ADAM23: variants seen among roughly 807,000 people sequenced by gnomAD.
ADAM23 encodes disintegrin and metalloproteinase domain-containing protein 23.
A neutral mutation model predicts 120.1 loss-of-function variants in ADAM23; 33 were observed. The observed-to-expected ratio is 0.27, with a 90% CI of 0.21 to 0.37. The LOEUF (loss-of-function observed/expected upper bound fraction) is 0.37, where lower values mean the gene tolerates loss of function less well. ADAM23 is among the 10% of genes least tolerant of loss of function. The pLI is 1.00. For synonymous variants in ADAM23, 367 were observed against 375.2 expected, an observed-to-expected ratio of 0.98 and a Z score of 0.25; for missense variants, 862 against 1,058.2, an observed-to-expected ratio of 0.81 and a Z score of 2.57.
intron 3 of ADAM23, among the ~76,000 whole-genome samples, chr2:206,491,048 C>A (rs1344313943): frequency 1.3e-5 from 2 of 152,088 alleles, no homozygotes; most frequent in Non-Finnish European, 2.9e-5. Context: ...AAAATAAAAT[C>A]ACAACCAAAC....
intron 4 of ADAM23, among the ~76,000 whole-genome samples, chr2:206,539,844 T>C (rs779939793): frequency 6.6e-6 from 1 of 152,212 alleles, no homozygotes; most frequent in Admixed American, 6.5e-5. Flanking sequence ...TTGGTATTAA[T>C]TTAGTAATAA....
chr2:206,490,604 A>G (rs752873814), intron 3 of ADAM23, among the ~76,000 whole-genome samples: 2 of 152,212 alleles, frequency 1.3e-5, no homozygotes, highest in Non-Finnish European at 2.9e-5. Context: ...TGCTGTGTGC[A>G]ATATGATGTA....
chr2:206,532,132 C>A (rs1473358851), intron 4 of ADAM23, among the ~76,000 whole-genome samples: 1 of 152,090 alleles, frequency 6.6e-6, no homozygotes, highest in East Asian at 1.9e-4. Context: ...CTAAATCAAG[C>A]GCGGGAACAA....
At chr2:206,590,863 T>G (rs1438358263) in intron 21 of ADAM23, among the ~76,000 whole-genome samples, 1 of 152,174 alleles carries the variant, frequency 6.6e-6, no homozygotes, top group Admixed American at 6.5e-5. Flanking sequence ...ATTAGCTTTA[T>G]TCATTCACTC....
At chr2:206,543,227 C>G (rs199976489) in intron 5 of ADAM23, 26 bp from the exon 6 acceptor site, 2 of 1,609,344 alleles carry the variant, frequency 1.2e-6, no homozygotes, top group Non-Finnish European at 1.7e-6. Context: ...TTTATTCCCT[C>G]CTTTGTGTGG....
At chr2:206,573,548 A>T (rs1487365671) in intron 18 of ADAM23, among the ~76,000 whole-genome samples, 3 of 152,074 alleles carry the variant, frequency 2.0e-5, no homozygotes, top group Admixed American at 6.5e-5. Flanking sequence ...CATCACCATC[A>T]TTCCTGACTC....
chr2:206,524,293 G>C (rs1490387771), intron 3 of ADAM23, among the ~76,000 whole-genome samples: 1 of 152,114 alleles, frequency 6.6e-6, no homozygotes, highest in African/African-American at 2.4e-5. Flanking sequence ...GTTTACTTAG[G>C]AACAAAGATG....
rs1352356095 is a variant in ADAM23 at position 206,594,870 on chromosome 2, C to T, written c.2212C>T (p.Leu738Phe). 6 of 1,614,086 alleles carry T rather than the reference C, an allele frequency of 3.7e-6. No individual in the cohort carries two copies. The highest frequency in any genetic ancestry group is 5.1e-6 in the Non-Finnish European group (6 of 1,179,964). The change falls in exon 23 of 26, where the codon CTC becomes TTC. Residue 738 changes from leucine to phenylalanine, a missense_variant. Around this residue, in one of 4 missense-constraint regions of ADAM23, gnomAD observed 617 missense variants for 813.5 expected, o/e 0.76. Coordinates refer to ENST00000264377, the MANE Select transcript of ADAM23 (RefSeq NM_003812.4). ...AGCCCTAAATATGAGCAGCTGTCCA[C>T]TCGATTCCAAGGGTAAAGTCTGTTC... Reference protein sequence around the residue: ...IQALNMSSCPLDSKGKVCSGH... With the variant: ...IQALNMSSCPFDSKGKVCSGH...
chr2:206,522,675 G>T (rs1696867027), intron 3 of ADAM23, among the ~76,000 whole-genome samples: 1 of 151,980 alleles, frequency 6.6e-6, no homozygotes, highest in African/African-American at 2.4e-5. Flanking sequence ...AAAAGAAGCT[G>T]GATTAGCAAT....
chr2:206,487,862 C>T (rs775189227), intron 3 of ADAM23, among the ~76,000 whole-genome samples: 2 of 152,184 alleles, frequency 1.3e-5, no homozygotes, highest in Non-Finnish European at 2.9e-5. Context: ...CCAGGGAGAA[C>T]TCCGGGTGAA....
Position 206,443,823 on chromosome 2 carries a change from C to A in ADAM23, c.-44C>A. The A allele has an allele frequency of 1.9e-6, 2 of 1,041,924 alleles. No homozygotes were observed. The highest frequency in any genetic ancestry group is 7.5e-5 in the East Asian group (1 of 13,270). The allele number at this position is 1,041,924 out of a possible 1,614,324, so 64.5% of individuals were successfully genotyped here. ...CGCGGCCGCCCCGCAGCTAGCCCGG[C>A]GCTCTCGCCGGCCACACGGAGCGGC... On this transcript the variant is annotated 5_prime_UTR_variant, in exon 1 of 26. Coordinates refer to ENST00000264377, the MANE Select transcript of ADAM23 (RefSeq NM_003812.4).
At chr2:206,595,681 A>C (rs1421157083) in intron 23 of ADAM23, among the ~76,000 whole-genome samples, 1 of 152,186 alleles carries the variant, frequency 6.6e-6, no homozygotes, top group Non-Finnish European at 1.5e-5. Context: ...GTTCCTAGAA[A>C]CAGTTACTTC....
chr2:206,592,548 C>A, intron 21 of ADAM23, 69 bp from the exon 22 acceptor site: 3 of 1,551,920 alleles, frequency 1.9e-6, no homozygotes, highest in Admixed American at 1.8e-5. Context: ...CAATGTGGAC[C>A]GAATCGTTTT....
At position 206,582,030 on chromosome 2, in the gene ADAM23, A is replaced by C. The variant is rs188387361; in HGVS notation, c.1738-5295A>C. Among the ~76,000 whole-genome samples, 641 of 152,186 alleles carry C rather than the reference A, an allele frequency of 4.2e-3. 3 individuals are homozygous for C. Among genetic ancestry groups the C allele is most frequent in the African/African-American group, 0.015 (618 of 41,508 alleles). ...GTAGCTGGGATTACAGGCAGGTGCC[A>C]CCATGCCTGGCTAATTTTTGTATTT... is the stretch of plus-strand genomic sequence containing the variant. On this transcript the variant is annotated intron_variant, in intron 18 of 25. Transcript: ENST00000264377.
intron 18 of ADAM23, among the ~76,000 whole-genome samples, chr2:206,581,580 G>A (rs1056136097): frequency 6.6e-6 from 1 of 152,200 alleles, no homozygotes; most frequent in Non-Finnish European, 1.5e-5. Context: ...TGTGATCTGA[G>A]AGAGTGCTTG....
At chr2:206,468,492 T>G (rs919113699) in intron 2 of ADAM23, among the ~76,000 whole-genome samples, 2 of 152,188 alleles carry the variant, frequency 1.3e-5, no homozygotes, top group Non-Finnish European at 1.5e-5. Context: ...TGACCTTTGC[T>G]ATAGTTCCCA....
At chr2:206,485,756 G>A (rs1695999074) in intron 3 of ADAM23, among the ~76,000 whole-genome samples, 1 of 152,236 alleles carries the variant, frequency 6.6e-6, no homozygotes, top group African/African-American at 2.4e-5. Flanking sequence ...CTTCATTCCA[G>A]AGGAGGAGGC....
At chr2:206,499,883 GAAGTATTTTCAATAAAAGCA>G (rs1002575472) in intron 3 of ADAM23, among the ~76,000 whole-genome samples, 1 of 152,062 alleles carries the variant, frequency 6.6e-6, no homozygotes, top group Non-Finnish European at 1.5e-5. Context: ...AAGACACCAT[GAAGTATTTTCAATAAAAGCA>G]GTTTGAGACA....
Position 206,594,856 on chromosome 2 carries a change from T to A in ADAM23, c.2198T>A (p.Met733Lys). The A allele has an allele frequency of 6.2e-7, 1 of 1,614,130 alleles. No homozygotes were observed. The highest frequency in any genetic ancestry group is 8.5e-7 in the Non-Finnish European group (1 of 1,180,000). ...TGCCTACAAATTCAAGCCCTAAATA[T>A]GAGCAGCTGTCCACTCGATTCCAAG... Reference protein sequence around the residue: ...RKCLQIQALNMSSCPLDSKGK... With the variant: ...RKCLQIQALNKSSCPLDSKGK... The change falls in exon 23 of 26, where the codon ATG becomes AAG. Residue 733 changes from methionine (M) to lysine (K), a missense_variant. Met to Lys is a moderately conservative substitution (Grantham distance 95). Transcript: ENST00000264377.
Sources: gnomAD v4.1 joint callset for allele counts (sites outside exome capture counted in the v4.1 genomes callset) on GRCh38, gnomAD v4.1.1 for gene constraint, gnomAD v4.1.1 regional missense constraint, MANE v1.5 for transcripts, NCBI Gene and HGNC (gene_info 2026-07-23, HGNC 2026-07-21) for gene names.